The following PTN variants were observed in gnomAD, a reference collection of about 807,000 sequenced individuals.
PTN encodes the protein pleiotrophin, also known as heparin affin regulatory protein.
PTN carries 18 observed loss-of-function variants against 24.1 expected under a neutral mutation model. The ratio of observed to expected loss-of-function variants is 0.75; its 90% confidence interval spans 0.52 to 1.11. The LOEUF (loss-of-function observed/expected upper bound fraction) is 1.11. PTN is among the 50% of genes least tolerant of loss of function. The pLI, the probability that PTN is intolerant of heterozygous loss-of-function variation, is 0.00. For missense variants in PTN, 163 were observed against 198.8 expected, an observed-to-expected ratio of 0.82 and a Z score of 1.08; for synonymous variants, 78 against 68.6, an observed-to-expected ratio of 1.14 and a Z score of -0.67.
intron 1 of PTN, among the ~76,000 whole-genome samples, chr7:137,275,620 T>C (rs1385914944): frequency 3.9e-5 from 6 of 152,168 alleles, no homozygotes; most frequent in Admixed American, 6.5e-5. Context: ...AAAAGGACAC[T>C]TCTCAACTTT....
chr7:137,237,976 C>T (rs1045638311), intron 4 of PTN, among the ~76,000 whole-genome samples: 3 of 152,142 alleles, frequency 2.0e-5, no homozygotes, highest in Non-Finnish European at 4.4e-5. Context: ...TGGGCCTTGC[C>T]GCCTGCATGC....
intron 4 of PTN, among the ~76,000 whole-genome samples, chr7:137,250,943 A>G (rs1223322109): frequency 7.9e-5 from 12 of 152,194 alleles, no homozygotes; most frequent in African/African-American, 2.9e-4. Flanking sequence ...TGTGGAATAT[A>G]TGGTCATCAT....
Position 137,227,851 on chromosome 7 carries a change from T to C in PTN, c.*169A>G. 4.5e-6 allele frequency: 3 copies of C among 668,976 alleles called. No homozygotes were observed. The highest frequency in any genetic ancestry group is 7.1e-6 in the Non-Finnish European group (3 of 422,338). The allele number at this position is 668,976 out of a possible 1,614,324, so 41.4% of individuals were successfully genotyped here. A position where few individuals can be genotyped will look rare whatever the true frequency, so the allele number is the denominator to read the frequency against. ...TTATAAGCCCCTACTGGTACTATAG[T>C]ATACATTTAAAAAACGCTACTACAA... is the stretch of plus-strand genomic sequence containing the variant. On this transcript the variant is annotated 3_prime_UTR_variant, in exon 5 of 5. Coordinates refer to ENST00000348225, the MANE Select transcript of PTN (RefSeq NM_002825.7).
chr7:137,343,196 C>A (rs1585052883), intron 1 of PTN, among the ~76,000 whole-genome samples: 3 of 152,150 alleles, frequency 2.0e-5, no homozygotes. Context: ...CTTAACATCA[C>A]AAAAACTTCT....
At chr7:137,339,632 A>C (rs1810503887) in intron 1 of PTN, among the ~76,000 whole-genome samples, 1 of 151,634 alleles carries the variant, frequency 6.6e-6, no homozygotes, top group Admixed American at 6.6e-5. Context: ...CTGGTGTTGA[A>C]AACATCAGCT....
chr7:137,338,775 C>A (rs922642821), intron 1 of PTN, among the ~76,000 whole-genome samples: 1 of 152,154 alleles, frequency 6.6e-6, no homozygotes, highest in Non-Finnish European at 1.5e-5. Flanking sequence ...AAGTCCTTTA[C>A]TTCAATCTCC....
chr7:137,262,588 A>C (rs1051843337), intron 1 of PTN, among the ~76,000 whole-genome samples: 1 of 152,044 alleles, frequency 6.6e-6, no homozygotes, highest in African/African-American at 2.4e-5. Context: ...AGCTGGGAGC[A>C]TCAGCAGCCT....
rs139711881 is a variant in PTN at position 137,289,494 on chromosome 7, C to G, written c.-1-34520G>C. Reference sequence around the variant, plus strand: ...GATGACATTAAGGTTCCAAATCAGTCAACCTTAAAATAGGGATATTATCTA... The same window carrying G: ...GATGACATTAAGGTTCCAAATCAGTGAACCTTAAAATAGGGATATTATCTA... On this transcript the variant is annotated intron_variant, in intron 1 of 4. Coordinates refer to ENST00000348225, the MANE Select transcript of PTN (RefSeq NM_002825.7). Among the ~76,000 whole-genome samples the G allele has an allele frequency of 9.9e-4, 151 of 152,278 alleles. 2 individuals carry two copies. The East Asian group carries it at 0.025, about 25-fold the overall frequency.
chr7:137,303,666 T>C (rs964846012), intron 1 of PTN, among the ~76,000 whole-genome samples: 2 of 152,018 alleles, frequency 1.3e-5, no homozygotes, highest in Non-Finnish European at 2.9e-5. Context: ...TTGATTCTTA[T>C]GTTAATCCAA....
chr7:137,311,011 C>G (rs1032189850), intron 1 of PTN, among the ~76,000 whole-genome samples: 5 of 152,048 alleles, frequency 3.3e-5, no homozygotes, highest in Non-Finnish European at 5.9e-5. Context: ...GTGAGCAGAT[C>G]ACTTGAGGTC....
At chr7:137,231,328 C>G (rs903242577) in intron 4 of PTN, among the ~76,000 whole-genome samples, 9 of 151,562 alleles carry the variant, frequency 5.9e-5, no homozygotes, top group Non-Finnish European at 1.2e-4. Context: ...ATATTATTTC[C>G]TCTTGGCCTG....
chr7:137,312,606 CT>C (rs1279596163), intron 1 of PTN, among the ~76,000 whole-genome samples: 1 of 152,148 alleles, frequency 6.6e-6, no homozygotes, highest in Admixed American at 6.5e-5. Flanking sequence ...TCCTCCACCC[CT>C]CTCTCATATT....
At chr7:137,249,104 G>A (rs894743570) in intron 4 of PTN, among the ~76,000 whole-genome samples, 1 of 151,930 alleles carries the variant, frequency 6.6e-6, no homozygotes, top group Admixed American at 6.6e-5. Context: ...TATCGTTTAG[G>A]GTTCTATCTT....
chr7:137,250,377 T>C (rs1257521149), intron 4 of PTN, among the ~76,000 whole-genome samples: 1 of 152,212 alleles, frequency 6.6e-6, no homozygotes, highest in Non-Finnish European at 1.5e-5. Context: ...CTTCTCTCTA[T>C]GTATTTCTGT....
intron 1 of PTN, among the ~76,000 whole-genome samples, chr7:137,319,191 A>G (rs192964621): frequency 6.6e-6 from 1 of 152,308 alleles, no homozygotes; most frequent in East Asian, 1.9e-4. Flanking sequence ...GACCTTCTGC[A>G]GTTTACTTAA....
intron 3 of PTN, among the ~76,000 whole-genome samples, chr7:137,253,246 G>C (rs896120222): frequency 1.3e-5 from 2 of 152,240 alleles, no homozygotes; most frequent in African/African-American, 4.8e-5. Context: ...GGAAACTAGC[G>C]AGTAGAAGCC....
chr7:137,231,305 T>C (rs1808422847), intron 4 of PTN, among the ~76,000 whole-genome samples: 1 of 151,886 alleles, frequency 6.6e-6, no homozygotes, highest in Non-Finnish European at 1.5e-5. Context: ...CTTCTTTCCA[T>C]CTTATCCTTT....
Position 137,251,246 on chromosome 7 carries a change from G to T in PTN, c.435C>A (p.Thr145=), listed in dbSNP as rs771483149. The change falls in exon 4 of 5, where the codon ACC becomes ACA. Residue 145 remains threonine, a synonymous_variant. Coordinates refer to ENST00000348225, the MANE Select transcript of PTN (RefSeq NM_002825.7). ...AGGACTTACCTTGAGGTTTGGGCTT[G>T]GTCAGTTTGCCACAGGGCTTGGAGA... is the stretch of plus-strand genomic sequence containing the variant. ...VTISKPCGKL[T]KPKPQAESKK... The T allele has an allele frequency of 1.5e-5, 24 of 1,613,990 alleles. No homozygotes were observed. Among genetic ancestry groups the T allele is most frequent in the Non-Finnish European group, 1.9e-5 (23 of 1,180,014 alleles).
chr7:137,229,403 A>T (rs953946536), intron 4 of PTN, among the ~76,000 whole-genome samples: 2 of 151,800 alleles, frequency 1.3e-5, no homozygotes, highest in Admixed American at 1.3e-4. Flanking sequence ...CATAAGACTT[A>T]TGAAGACAGA....
Sources: gnomAD v4.1 joint callset for allele counts (sites outside exome capture counted in the v4.1 genomes callset) on GRCh38, gnomAD v4.1.1 for gene constraint, MANE v1.5 for transcripts, NCBI Gene and HGNC (gene_info 2026-07-23, HGNC 2026-07-21) for gene names.